Variants in ACACA observed in about 807,000 individuals in gnomAD.
The protein encoded by ACACA is acetyl-CoA carboxylase 1.
ACACA carries 103 observed loss-of-function variants against 296.1 expected under a neutral mutation model. The ratio of observed to expected loss-of-function variants is 0.35; its 90% CI spans 0.30 to 0.41. The LOEUF (loss-of-function observed/expected upper bound fraction) is 0.41. Ranked by LOEUF, ACACA falls within the 10% of genes least tolerant of loss-of-function variation. The probability of loss-of-function intolerance (pLI) is 1.00; values close to 1 mark genes in which losing one functional copy is unlikely to be tolerated. For synonymous variants in ACACA, 953 were observed against 1,038.6 expected, an observed-to-expected ratio of 0.92 and a Z score of 1.58; for missense variants, 1,554 against 2,989.7, an observed-to-expected ratio of 0.52 and a Z score of 11.20.
chr17:37,374,064 A>T (rs1296094559), intron 1 of ACACA, among the ~76,000 whole-genome samples: 1 of 152,058 alleles, frequency 6.6e-6, no homozygotes, highest in Non-Finnish European at 1.5e-5. Context: ...AAACTTTTTT[A>T]AAAAGTTTTC....
intron 1 of ACACA, among the ~76,000 whole-genome samples, chr17:37,384,095 C>G (rs144295333): frequency 2.0e-5 from 3 of 152,170 alleles, no homozygotes; most frequent in Admixed American, 2.0e-4. Context: ...GAAACCCCGT[C>G]TCTACTAAAA....
At chr17:37,282,469 A>C (rs2082584718) in intron 5 of ACACA, among the ~76,000 whole-genome samples, 1 of 152,212 alleles carries the variant, frequency 6.6e-6, no homozygotes, top group Admixed American at 6.5e-5. Context: ...TTTGCTTTCT[A>C]ATAAATTGGT....
intron 3 of ACACA, among the ~76,000 whole-genome samples, chr17:37,292,388 C>A (rs572787010): frequency 6.6e-6 from 1 of 152,092 alleles, no homozygotes; most frequent in Non-Finnish European, 1.5e-5. Flanking sequence ...CCCCTTGGAA[C>A]TTTCTAAACA....
intron 54 of ACACA, among the ~76,000 whole-genome samples, chr17:37,096,494 T>C (rs1478540289): frequency 6.6e-6 from 1 of 152,204 alleles, no homozygotes; most frequent in Non-Finnish European, 1.5e-5. Flanking sequence ...TCATTTCTGC[T>C]TTGTTTTCCA....
At chr17:37,315,528 G>T (rs1280237530) in intron 3 of ACACA, among the ~76,000 whole-genome samples, 1 of 152,138 alleles carries the variant, frequency 6.6e-6, no homozygotes, top group Non-Finnish European at 1.5e-5. Context: ...TCAGATACCA[G>T]TTGCAAATCC....
At chr17:37,186,038 T>C (rs1030129580) in intron 39 of ACACA, among the ~76,000 whole-genome samples, 5 of 152,206 alleles carry the variant, frequency 3.3e-5, no homozygotes, top group African/African-American at 1.2e-4. Flanking sequence ...CCAATCAACC[T>C]TGTTCCTTAT....
At chr17:37,270,091 T>G (rs2146383669) in intron 10 of ACACA, among the ~76,000 whole-genome samples, 1 of 152,352 alleles carries the variant, frequency 6.6e-6, no homozygotes, top group African/African-American at 2.4e-5. Context: ...TCAACTTGGC[T>G]GCAAAGCAGA....
intron 45 of ACACA, among the ~76,000 whole-genome samples, chr17:37,136,403 GAGTAATATTCCATTTT>G: frequency 6.6e-6 from 1 of 152,224 alleles, no homozygotes; most frequent in South Asian, 2.1e-4. Flanking sequence ...TTTTATTCCT[GAGTAATATTCCATTTT>G]ATGGAAGTAC....
intron 29 of ACACA, among the ~76,000 whole-genome samples, chr17:37,213,453 T>G (rs1439675590): frequency 6.6e-6 from 1 of 152,114 alleles, no homozygotes; most frequent in Non-Finnish European, 1.5e-5. Flanking sequence ...CTATCTGCTG[T>G]TTGGGCTATT....
intron 45 of ACACA, among the ~76,000 whole-genome samples, chr17:37,147,553 T>C (rs573751373): frequency 4.7e-4 from 72 of 152,306 alleles, no homozygotes; most frequent in African/African-American, 1.5e-3. Flanking sequence ...CCTTTTTTCA[T>C]ACCTTATAGG....
In ACACA at chr17:37,097,253, A is replaced by G; in HGVS notation, c.6721-87T>C. ...GGGAAACCCACAGGCATAAAAACTG[A>G]TTCTCCAGGCAAGCCCTTCACAGAC... On this transcript the variant is annotated intron_variant, in intron 53 of 55. Transcript: ENST00000616317. The surrounding 1 kb of genome is among the most constrained non-coding windows in gnomAD (Gnocchi z 4.8). The G allele has an allele frequency of 1.3e-6, 2 of 1,483,454 alleles. No individual in the cohort carries two copies. Among genetic ancestry groups the G allele is most frequent in the Non-Finnish European group, 1.8e-6 (2 of 1,088,748 alleles). 91.9% of individuals were successfully genotyped at this position (1,483,454 alleles called of 1,614,324 possible). A position where few individuals can be genotyped will look rare whatever the true frequency, so the allele number is the denominator to read the frequency against.
chr17:37,338,597 G>A (rs1331730211), intron 2 of ACACA, among the ~76,000 whole-genome samples: 1 of 150,730 alleles, frequency 6.6e-6, no homozygotes, highest in Non-Finnish European at 1.5e-5. Flanking sequence ...GACAGAGCGA[G>A]ACTCTGTCTC....
rs377116079 is a variant in ACACA, at chr17:37,145,138, G to GA, written c.5679+4725dup. On this transcript the variant is annotated intron_variant, in intron 45 of 55. Coordinates refer to ENST00000616317, the MANE Select transcript of ACACA (RefSeq NM_198834.3). ...ACTAATACTTTTACCAGGAAAGGGA[G>GA]AAAAAAATAAAGTAAAAAGGAAACT... Among the ~76,000 whole-genome samples, 70 of 152,238 alleles carry GA rather than the reference G, an allele frequency of 4.6e-4. No individual in the cohort carries two copies. In the Middle Eastern group the frequency reaches 0.01, roughly 22 times the overall value.
chr17:37,253,575 T>C (rs1048115786), intron 14 of ACACA, among the ~76,000 whole-genome samples: 1 of 152,128 alleles, frequency 6.6e-6, no homozygotes, highest in Non-Finnish European at 1.5e-5. Flanking sequence ...CTAACTGATA[T>C]TACCATAAGA....
At chr17:37,277,760 TTA>T (rs1402315311) in intron 6 of ACACA, 134 bp downstream of exon 6, 2 of 684,514 alleles carry the variant, frequency 2.9e-6, no homozygotes, top group African/African-American at 3.6e-5. Flanking sequence ...CTTATTTGGT[TTA>T]GTTATCCCAT....
intron 28 of ACACA, 31 bp from the exon 29 acceptor site, chr17:37,221,873 T>C (rs748732289): frequency 3.8e-6 from 6 of 1,570,054 alleles, no homozygotes; most frequent in Non-Finnish European, 5.3e-6. Context: ...AGTAAATAAA[T>C]TTCAAAAACA....
At chr17:37,234,057 T>C (rs1315067026) in intron 25 of ACACA, among the ~76,000 whole-genome samples, 1 of 152,162 alleles carries the variant, frequency 6.6e-6, no homozygotes. Flanking sequence ...AAATAAAAAA[T>C]AGCATGAAGA....
At chr17:37,351,837 G>A (rs1468686028) in intron 1 of ACACA, among the ~76,000 whole-genome samples, 1 of 151,886 alleles carries the variant, frequency 6.6e-6, no homozygotes, top group African/African-American at 2.4e-5. Context: ...ACAGATGTGA[G>A]CCACCGTGCC....
chr17:37,227,915 A>T (rs2079625472), intron 25 of ACACA, among the ~76,000 whole-genome samples: 1 of 151,532 alleles, frequency 6.6e-6, no homozygotes, highest in African/African-American at 2.4e-5. Flanking sequence ...TTTAATAAAT[A>T]TTTATTCTCC....
Sources: allele counts gnomAD v4.1 joint callset (sites outside exome capture counted in the v4.1 genomes callset), GRCh38; gene constraint gnomAD v4.1.1; non-coding constraint Gnocchi (gnomAD v3.1); transcripts MANE v1.5; gene names NCBI Gene and HGNC (gene_info 2026-07-23, HGNC 2026-07-21).